The following DIP2B variants were observed in gnomAD, a reference collection of about 807,000 sequenced individuals.
The protein encoded by DIP2B is disco-interacting protein 2 homolog B.
Under a neutral mutation model 198.0 loss-of-function variants are expected in DIP2B, and 76 were observed. The ratio of observed to expected loss-of-function variants is 0.38; its 90% CI spans 0.32 to 0.46. The LOEUF is 0.46. Among genes scored for constraint, DIP2B ranks in the 20% least tolerant of loss-of-function variants. DIP2B has a pLI of 0.99. For missense variants in DIP2B, 1,559 were observed against 1,978.4 expected, an observed-to-expected ratio of 0.79 and a Z score of 4.02; for synonymous variants, 701 against 739.1, an observed-to-expected ratio of 0.95 and a Z score of 0.84.
At chr12:50,568,120 C>T (rs1211726336) in intron 1 of DIP2B, among the ~76,000 whole-genome samples, 1 of 152,106 alleles carries the variant, frequency 6.6e-6, no homozygotes, top group Non-Finnish European at 1.5e-5. Context: ...TCAGTGTTTG[C>T]TCTGCTGTTT....
chr12:50,742,443 T>C (rs1244469076), intron 37 of DIP2B, among the ~76,000 whole-genome samples: 1 of 145,452 alleles, frequency 6.9e-6, no homozygotes, highest in African/African-American at 2.5e-5. Flanking sequence ...AGTGTTTACC[T>C]ACTGGCTTTC....
chr12:50,733,575 A>G (rs190483089), intron 32 of DIP2B, among the ~76,000 whole-genome samples: 1 of 152,108 alleles, frequency 6.6e-6, no homozygotes, highest in Non-Finnish European at 1.5e-5. Context: ...TTAGTGGTAC[A>G]TGCCTCTAGT....
At chr12:50,634,816 A>C (rs761655236) in intron 2 of DIP2B, among the ~76,000 whole-genome samples, 1 of 152,174 alleles carries the variant, frequency 6.6e-6, no homozygotes, top group African/African-American at 2.4e-5. Context: ...TAGATGTTCT[A>C]TAAATGTTTG....
chr12:50,611,427 A>G (rs1216459055), intron 1 of DIP2B, among the ~76,000 whole-genome samples: 1 of 152,122 alleles, frequency 6.6e-6, no homozygotes, highest in Non-Finnish European at 1.5e-5. Flanking sequence ...TAAGAGTGTT[A>G]TTAACGTTTA....
At chr12:50,597,984 C>T (rs896006865) in intron 1 of DIP2B, among the ~76,000 whole-genome samples, 1 of 152,110 alleles carries the variant, frequency 6.6e-6, no homozygotes, top group Non-Finnish European at 1.5e-5. Context: ...CTGAACTGAA[C>T]GGGGTCACAC....
At chr12:50,694,162 G>T (rs1422410064) in intron 14 of DIP2B, among the ~76,000 whole-genome samples, 1 of 152,140 alleles carries the variant, frequency 6.6e-6, no homozygotes, top group Non-Finnish European at 1.5e-5. Context: ...GCATTAAGTG[G>T]GTTGGAGGGC....
At chr12:50,697,252 C>A in intron 17 of DIP2B, 77 bp downstream of exon 17, 2 of 1,265,336 alleles carry the variant, frequency 1.6e-6, no homozygotes, top group Non-Finnish European at 2.2e-6. Flanking sequence ...CAGGTGATGA[C>A]CAACGGATGT....
At chr12:50,598,978 ATATAAAC>A (rs1391929788) in intron 1 of DIP2B, among the ~76,000 whole-genome samples, 11 of 64,222 alleles carry the variant, frequency 1.7e-4, no homozygotes, top group Non-Finnish European at 3.1e-4. Context: ...GGGTCAACAC[ATATAAAC>A]ATTAAAAAAA....
chr12:50,528,652 T>G (rs936646012), intron 1 of DIP2B, among the ~76,000 whole-genome samples: 1 of 152,128 alleles, frequency 6.6e-6, no homozygotes, highest in African/African-American at 2.4e-5. Context: ...TGAGAATAGA[T>G]GAGTTCACCC....
intron 3 of DIP2B, among the ~76,000 whole-genome samples, chr12:50,654,148 A>G (rs1938513674): frequency 6.6e-6 from 1 of 152,186 alleles, no homozygotes; most frequent in Non-Finnish European, 1.5e-5. Context: ...TGCTGGGATT[A>G]CAAGCGTGAA....
chr12:50,640,612 T>C, intron 2 of DIP2B, 112 bp from the exon 3 acceptor site: 2 of 1,138,228 alleles, frequency 1.8e-6, no homozygotes. Context: ...CCCTTTACTG[T>C]AGATGGGGTA....
At position 50,671,255 on chromosome 12, in the gene DIP2B, A is replaced by G. The variant is rs756155290; in HGVS notation, c.497A>G (p.Gln166Arg). ...GCTGCGCTCTCTGCTGCCTTGCAAC[A>G]GAGCTTACAGAATGCTGAGTCCTGG... ...RQAALSAALQ[Q>R]SLQNAESWIN... Residue 166 changes from glutamine (Q) to arginine (R), a missense_variant, in exon 5 of 38, where the codon CAG (glutamine) becomes CGG (arginine). Transcript: ENST00000301180. 3 of 1,614,130 alleles carry G rather than the reference A, an allele frequency of 1.9e-6. No individual in the cohort carries two copies. The highest frequency in any genetic ancestry group is 2.5e-6 in the Non-Finnish European group (3 of 1,179,976).
At chr12:50,522,311 A>G (rs945710791) in intron 1 of DIP2B, among the ~76,000 whole-genome samples, 2 of 152,222 alleles carry the variant, frequency 1.3e-5, no homozygotes, top group African/African-American at 4.8e-5. Context: ...ACATTTTTGA[A>G]AAATGGAAAG....
intron 19 of DIP2B, among the ~76,000 whole-genome samples, chr12:50,701,422 G>A (rs536345358): frequency 3.9e-5 from 6 of 152,248 alleles, no homozygotes; most frequent in Admixed American, 1.3e-4. Flanking sequence ...TTGCTCTGTC[G>A]CCCAGGCGGA....
At chr12:50,708,104 C>T (rs1392749891) in intron 21 of DIP2B, among the ~76,000 whole-genome samples, 3 of 151,994 alleles carry the variant, frequency 2.0e-5, no homozygotes, top group Admixed American at 6.6e-5. Flanking sequence ...ACCCTGCCCT[C>T]AGTAATACGC....
At chr12:50,522,523 C>T (rs1958129806) in intron 1 of DIP2B, among the ~76,000 whole-genome samples, 1 of 152,106 alleles carries the variant, frequency 6.6e-6, no homozygotes, top group Non-Finnish European at 1.5e-5. Context: ...CTAATGGATG[C>T]ATCTTTGGGG....
chr12:50,743,384 A>C (rs1940290505), intron 37 of DIP2B, among the ~76,000 whole-genome samples: 1 of 152,104 alleles, frequency 6.6e-6, no homozygotes, highest in African/African-American at 2.4e-5. Flanking sequence ...CCCAACTGAA[A>C]TCTGTTTTTA....
At chr12:50,708,903 G>A (rs1427991346) in intron 22 of DIP2B, among the ~76,000 whole-genome samples, 1 of 152,220 alleles carries the variant, frequency 6.6e-6, no homozygotes, top group African/African-American at 2.4e-5. Context: ...CAGTTTTACT[G>A]TGTGTCATAA....
At chr12:50,572,657 C>T (rs1215402716) in intron 1 of DIP2B, among the ~76,000 whole-genome samples, 1 of 152,074 alleles carries the variant, frequency 6.6e-6, no homozygotes, top group Non-Finnish European at 1.5e-5. Context: ...TTGCCATATC[C>T]CAGATAATGA....
Sources: gnomAD v4.1 joint callset for allele counts (sites outside exome capture counted in the v4.1 genomes callset) on GRCh38, gnomAD v4.1.1 for gene constraint, MANE v1.5 for transcripts, NCBI Gene and HGNC (gene_info 2026-07-23, HGNC 2026-07-21) for gene names.